Variants in MLLT3 observed in about 807,000 individuals in gnomAD.
MLLT3 encodes the protein protein AF-9.
A neutral mutation model predicts 53.2 loss-of-function variants in MLLT3; 4 were observed. The observed-to-expected ratio is 0.08, with a 90% CI of 0.04 to 0.17. MLLT3 has a LOEUF of 0.17. MLLT3 is among the 10% of genes least tolerant of loss of function. The pLI, the probability that MLLT3 is intolerant of heterozygous loss-of-function variation, is 1.00. For synonymous variants in MLLT3, 283 were observed against 230.6 expected (o/e 1.23, Z -2.06); for missense variants, 569 against 684.0 (o/e 0.83, Z 1.87).
intron 10 of MLLT3, 32 bp from the exon 11 acceptor site, chr9:20,346,606 A>G: frequency 6.2e-7 from 1 of 1,602,498 alleles, no homozygotes; most frequent in Non-Finnish European, 8.5e-7. Context: ...AGTTTGGGCA[A>G]TACGCAGCAA....
intron 2 of MLLT3, among the ~76,000 whole-genome samples, chr9:20,469,699 G>C (rs917370175): frequency 2.7e-5 from 4 of 149,008 alleles, no homozygotes; most frequent in African/African-American, 9.9e-5. Context: ...GAACTAGCTA[G>C]TGTTCACTAA....
chr9:20,353,444 C>T, intron 10 of MLLT3, 81 bp downstream of exon 10: 1 of 1,174,170 alleles, frequency 8.5e-7, no homozygotes. Flanking sequence ...CTGCAGTGGC[C>T]TCCAGGTGCT....
In MLLT3 at chr9:20,345,153, A is replaced by G; in HGVS notation, c.*1290T>C. ...ACAAGGGTACAACAAGAACAAAAAAATCCCCCCATCCCCAACCGTCTTTCA... is the reference window on the plus strand; with the variant it reads ...ACAAGGGTACAACAAGAACAAAAAAGTCCCCCCATCCCCAACCGTCTTTCA... On this transcript the variant is annotated 3_prime_UTR_variant, in exon 11 of 11. Coordinates refer to ENST00000380338, the MANE Select transcript of MLLT3 (RefSeq NM_004529.4). The G allele has an allele frequency of 4.4e-6, 1 of 225,224 alleles. No individual in the cohort carries two copies. The highest frequency in any genetic ancestry group is 8.9e-6 in the Non-Finnish European group (1 of 112,936). The allele number at this position is 225,224 out of a possible 1,614,324, so 14.0% of individuals were successfully genotyped here. A position where few individuals can be genotyped will look rare whatever the true frequency, so the allele number is the denominator to read the frequency against.
In MLLT3 at chr9:20,621,462, G is replaced by A. The variant is rs1338355939; in HGVS notation, c.13-628C>T. Among the ~76,000 whole-genome samples the A allele has an allele frequency of 6.6e-6, 1 of 152,020 alleles. No individual in the cohort carries two copies. Among genetic ancestry groups the A allele is most frequent in the Non-Finnish European group, 1.5e-5 (1 of 67,982 alleles). On this transcript the variant is annotated intron_variant, in intron 1 of 10. Coordinates refer to ENST00000380338, the MANE Select transcript of MLLT3 (RefSeq NM_004529.4). This position sits in a 1 kb window ranked among gnomAD's most constrained non-coding sequence, Gnocchi z 7.0. ...CATACACACTGAAACACACACACAC[G>A]CCCGCAGGAAAACACGCCGAGGCAT... is the stretch of plus-strand genomic sequence containing the variant.
chr9:20,577,996 C>A (rs1160532156), intron 2 of MLLT3, among the ~76,000 whole-genome samples: 1 of 152,230 alleles, frequency 6.6e-6, no homozygotes, highest in African/African-American at 2.4e-5. Context: ...CCTGCTAAAA[C>A]TGGCTAAAGT....
chr9:20,593,698 C>G (rs1820183176), intron 2 of MLLT3, among the ~76,000 whole-genome samples: 1 of 152,146 alleles, frequency 6.6e-6, no homozygotes, highest in Non-Finnish European at 1.5e-5. Context: ...CTGGCTGTGA[C>G]TCAGAAGAAA....
intron 10 of MLLT3, 84 bp from the exon 11 acceptor site, chr9:20,346,658 T>G: frequency 1.5e-6 from 2 of 1,319,426 alleles, no homozygotes; most frequent in Non-Finnish European, 1.1e-6. Context: ...GGCGATCAAA[T>G]ATGGAATCAA....
At chr9:20,468,193 C>T (rs1210074430) in intron 2 of MLLT3, among the ~76,000 whole-genome samples, 1 of 152,136 alleles carries the variant, frequency 6.6e-6, no homozygotes, top group East Asian at 1.9e-4. Flanking sequence ...CTAGAAATCA[C>T]TCAGTTATCT....
intron 5 of MLLT3, among the ~76,000 whole-genome samples, chr9:20,399,330 C>T (rs751341427): frequency 2.0e-5 from 3 of 152,104 alleles, no homozygotes; most frequent in Non-Finnish European, 4.4e-5. Context: ...CATATATTAA[C>T]ACATCTTTGC....
intron 2 of MLLT3, among the ~76,000 whole-genome samples, chr9:20,475,412 A>C (rs1824496136): frequency 6.6e-6 from 1 of 152,090 alleles, no homozygotes; most frequent in African/African-American, 2.4e-5. Context: ...CTTTATCTTA[A>C]TGGTATAATT....
chr9:20,550,716 T>C (rs1263411729), intron 2 of MLLT3, among the ~76,000 whole-genome samples: 1 of 152,172 alleles, frequency 6.6e-6, no homozygotes, highest in Non-Finnish European at 1.5e-5. Flanking sequence ...TTTTTTAATA[T>C]GATAAAGCTT....
Position 20,622,483 on chromosome 9 carries a change from G to A in MLLT3, c.-227C>T, listed in dbSNP as rs28364658. On this transcript the variant is annotated 5_prime_UTR_variant, in exon 1 of 11. Coordinates refer to ENST00000380338, the MANE Select transcript of MLLT3 (RefSeq NM_004529.4). Reference sequence around the variant, plus strand: ...AGCAGCAGCAGCAGCAGCAGCTCCAGGGTAAAGAAGATGATTGCGGAGCAT... The same window carrying A: ...AGCAGCAGCAGCAGCAGCAGCTCCAAGGTAAAGAAGATGATTGCGGAGCAT... 6.6e-4 allele frequency: 340 copies of A among 512,010 alleles called. 7 individuals are homozygous for A. The East Asian group carries it at 0.011, about 16-fold the overall frequency. The allele number at this position is 512,010 out of a possible 1,614,324, so 31.7% of individuals were successfully genotyped here.
intron 2 of MLLT3, chr9:20,532,934 C>A: frequency 3.8e-6 from 1 of 262,706 alleles, no homozygotes; most frequent in South Asian, 4.3e-5. Context: ...GCAAAGGGCA[C>A]ATCCCCACTA....
intron 2 of MLLT3, among the ~76,000 whole-genome samples, chr9:20,546,775 G>A (rs1362236939): frequency 6.6e-6 from 1 of 152,242 alleles, no homozygotes; most frequent in Non-Finnish European, 1.5e-5. Context: ...CCTGTCCCGT[G>A]GAACAGGCAG....
chr9:20,417,750 T>A (rs1466090187), intron 4 of MLLT3, among the ~76,000 whole-genome samples: 2 of 152,206 alleles, frequency 1.3e-5, no homozygotes, highest in African/African-American at 4.8e-5. Context: ...TTGTTTTAAT[T>A]TTTTGGAACA....
chr9:20,433,156 G>C (rs1439849164), intron 4 of MLLT3, among the ~76,000 whole-genome samples: 1 of 152,044 alleles, frequency 6.6e-6, no homozygotes, highest in Admixed American at 6.6e-5. Flanking sequence ...CAGGGGCTGG[G>C]AGCCACCAAA....
chr9:20,611,261 T>C (rs951401933), intron 2 of MLLT3, among the ~76,000 whole-genome samples: 15 of 151,998 alleles, frequency 9.9e-5, no homozygotes, highest in African/African-American at 3.4e-4. Context: ...AAATGGGACA[T>C]AAAAACCTAT....
chr9:20,481,000 A>AC (rs1357902127), intron 2 of MLLT3, among the ~76,000 whole-genome samples: 2 of 152,180 alleles, frequency 1.3e-5, no homozygotes, highest in African/African-American at 4.8e-5. Flanking sequence ...GCACACACAC[A>AC]AAAAAGAGTC....
intron 4 of MLLT3, chr9:20,415,323 G>T: frequency 3.9e-6 from 1 of 257,744 alleles, no homozygotes; most frequent in Non-Finnish European, 6.1e-6. Flanking sequence ...AGACGTAATT[G>T]CTGCCTATTT....
Sources: gnomAD v4.1 joint callset for allele counts (sites outside exome capture counted in the v4.1 genomes callset) on GRCh38, gnomAD v4.1.1 for gene constraint, Gnocchi (gnomAD v3.1) non-coding constraint, MANE v1.5 for transcripts, NCBI Gene and HGNC (gene_info 2026-07-23, HGNC 2026-07-21) for gene names.